Variants in ZFPM2 observed in about 807,000 individuals in gnomAD.
ZFPM2 encodes the protein zinc finger protein ZFPM2.
In ZFPM2, 20 loss-of-function variants were observed where a neutral mutation model predicts 98.6. The ratio of observed to expected loss-of-function variants is 0.20; its 90% CI spans 0.14 to 0.29. The LOEUF is 0.29. Ranked by LOEUF, ZFPM2 falls within the 10% of genes least tolerant of loss-of-function variation. The pLI is 1.00. For missense variants in ZFPM2, 1,310 were observed against 1,388.6 expected (o/e 0.94, Z 0.90); for synonymous variants, 518 against 502.7 (o/e 1.03, Z -0.41).
intron 5 of ZFPM2, among the ~76,000 whole-genome samples, chr8:105,673,187 C>CTTTTTTTTTTTTTTTTTTTTTTTTTTTT (rs5893754): frequency 1.1e-5 from 1 of 87,526 alleles, no homozygotes; most frequent in African/African-American, 4.9e-5. Flanking sequence ...AAATAGCATG[C>CTTTTTTTTTTTTTTTTTTTTTTTTTTTT]TTTTTTTTTT....
intron 5 of ZFPM2, among the ~76,000 whole-genome samples, chr8:105,764,375 A>T (rs1812811155): frequency 6.6e-6 from 1 of 151,668 alleles, no homozygotes; most frequent in South Asian, 2.1e-4. Flanking sequence ...AATTTGCAGA[A>T]GCAATGTTTG....
At chr8:105,708,123 C>G (rs1286034619) in intron 5 of ZFPM2, among the ~76,000 whole-genome samples, 1 of 152,106 alleles carries the variant, frequency 6.6e-6, no homozygotes, top group Non-Finnish European at 1.5e-5. Flanking sequence ...TAATTAGCCA[C>G]AAGTATGATC....
intron 1 of ZFPM2, among the ~76,000 whole-genome samples, chr8:105,332,218 A>C (rs1812246844): frequency 6.6e-6 from 1 of 151,652 alleles, no homozygotes; most frequent in Non-Finnish European, 1.5e-5. Context: ...CTTCCCATTT[A>C]AAGTTGCCTC....
At chr8:105,783,210 G>GTTTTTTTTTTTTTTTTTTTTTTT (rs753557703) in intron 5 of ZFPM2, among the ~76,000 whole-genome samples, 1 of 88,926 alleles carries the variant, frequency 1.1e-5, no homozygotes, top group Non-Finnish European at 2.1e-5. Flanking sequence ...TTTCTTTATG[G>GTTTTTTTTTTTTTTTTTTTTTTT]TTTTTTTTTT....
chr8:105,612,571 G>A (rs1420581028), intron 4 of ZFPM2, among the ~76,000 whole-genome samples: 3 of 152,126 alleles, frequency 2.0e-5, no homozygotes, highest in Non-Finnish European at 4.4e-5. Flanking sequence ...TTTGGTTAAA[G>A]AATGTCTTTA....
At chr8:105,351,383 T>TGTG (rs1341418183) in intron 1 of ZFPM2, among the ~76,000 whole-genome samples, 784 of 74,562 alleles carry the variant, frequency 0.011, 6 homozygotes, top group African/African-American at 0.029. Context: ...GTGTGTGTGT[T>TGTG]TGTGTGTGTG....
chr8:105,674,820 A>G (rs183173074), intron 5 of ZFPM2, among the ~76,000 whole-genome samples: 3 of 152,266 alleles, frequency 2.0e-5, no homozygotes, highest in Admixed American at 6.5e-5. Context: ...TGCCTTTACT[A>G]TGGTTGAGGG....
At chr8:105,620,341 T>G (rs965673447) in intron 4 of ZFPM2, among the ~76,000 whole-genome samples, 8 of 152,158 alleles carry the variant, frequency 5.3e-5, no homozygotes, top group African/African-American at 1.9e-4. Flanking sequence ...TTTTGAGGAG[T>G]GTCTGTTCAT....
At chr8:105,594,403 A>T (rs1373464099) in intron 4 of ZFPM2, among the ~76,000 whole-genome samples, 2 of 152,160 alleles carry the variant, frequency 1.3e-5, no homozygotes, top group African/African-American at 2.4e-5. Context: ...TGTTGAAATG[A>T]TTTTTTAAAT....
chr8:105,528,137 G>T (rs562048390), intron 3 of ZFPM2, among the ~76,000 whole-genome samples: 1 of 152,286 alleles, frequency 6.6e-6, no homozygotes, highest in Non-Finnish European at 1.5e-5. Flanking sequence ...GAAGCCCTGA[G>T]CCCAGGTGGG....
chr8:105,688,199 A>G (rs570106924), intron 5 of ZFPM2, among the ~76,000 whole-genome samples: 2 of 152,252 alleles, frequency 1.3e-5, no homozygotes, highest in African/African-American at 4.8e-5. Context: ...GGAAAATTCA[A>G]TAAAATAACA....
chr8:105,457,398 A>G (rs529974363), intron 3 of ZFPM2, among the ~76,000 whole-genome samples: 50 of 152,348 alleles, frequency 3.3e-4, no homozygotes, highest in Non-Finnish European at 6.2e-4. Context: ...AATTAGTTCA[A>G]ACATTTATTG....
rs1814134531 is a variant in ZFPM2 at position 105,804,229 on chromosome 8, T to C, written c.*691T>C. 6.6e-6 allele frequency: 1 copy of C among 152,616 alleles called. No homozygotes were observed. The allele number at this position is 152,616 out of a possible 1,614,324, so 9.5% of individuals were successfully genotyped here. On this transcript the variant is annotated 3_prime_UTR_variant, in exon 8 of 8. Transcript: ENST00000407775. Reference sequence around the variant, plus strand: ...TTTCGCTGATGCAGCTCTGTCTCAATTTTTAAACCTTTGCTGTTAAATGCA... The same window carrying C: ...TTTCGCTGATGCAGCTCTGTCTCAACTTTTAAACCTTTGCTGTTAAATGCA...
intron 1 of ZFPM2, among the ~76,000 whole-genome samples, chr8:105,347,150 C>G (rs565566774): frequency 6.6e-6 from 1 of 151,546 alleles, no homozygotes; most frequent in Non-Finnish European, 1.5e-5. Context: ...CCCCCAAAAC[C>G]CTTAGGTGTC....
At chr8:105,378,622 T>C (rs1409417187) in intron 1 of ZFPM2, among the ~76,000 whole-genome samples, 2 of 152,144 alleles carry the variant, frequency 1.3e-5, no homozygotes. Flanking sequence ...CAAGGCTAGA[T>C]TATGTGAGTA....
intron 5 of ZFPM2, among the ~76,000 whole-genome samples, chr8:105,664,348 T>C (rs1477147091): frequency 1.3e-5 from 2 of 151,832 alleles, no homozygotes; most frequent in East Asian, 3.9e-4. Context: ...TGTGTGTGTG[T>C]GTGTGTGTGT....
At chr8:105,648,172 T>C (rs1377653578) in intron 5 of ZFPM2, among the ~76,000 whole-genome samples, 1 of 152,226 alleles carries the variant, frequency 6.6e-6, no homozygotes, top group Non-Finnish European at 1.5e-5. Context: ...TGCATAAATG[T>C]CTTCTTTTGA....
intron 5 of ZFPM2, among the ~76,000 whole-genome samples, chr8:105,664,907 GC>G (rs1400510082): frequency 6.6e-6 from 1 of 151,578 alleles, no homozygotes; most frequent in Non-Finnish European, 1.5e-5. Context: ...AGAGCACAAA[GC>G]AAAAAAAGAA....
At chr8:105,558,548 G>A (rs551938801) in intron 3 of ZFPM2, among the ~76,000 whole-genome samples, 2 of 152,182 alleles carry the variant, frequency 1.3e-5, no homozygotes, top group African/African-American at 4.8e-5. Context: ...GGAGACATTT[G>A]GATATCACTT....
Sources: allele counts gnomAD v4.1 joint callset (sites outside exome capture counted in the v4.1 genomes callset), GRCh38; gene constraint gnomAD v4.1.1; transcripts MANE v1.5; gene names NCBI Gene and HGNC (gene_info 2026-07-23, HGNC 2026-07-21).